Variants in TUB observed in about 807,000 individuals in gnomAD.
The protein encoded by TUB is tubby protein homolog.
A neutral mutation model predicts 59.7 loss-of-function variants in TUB; 33 were observed. The observed-to-expected ratio is 0.55, with a 90% CI of 0.42 to 0.74. The LOEUF (loss-of-function observed/expected upper bound fraction) is 0.74. Among genes scored for constraint, TUB ranks in the 30% least tolerant of loss-of-function variants. The pLI, the probability that TUB is intolerant of heterozygous loss-of-function variation, is 0.00. For missense variants in TUB, 659 were observed against 672.0 expected, an observed-to-expected ratio of 0.98 and a Z score of 0.21; for synonymous variants, 293 against 256.4, an observed-to-expected ratio of 1.14 and a Z score of -1.36.
chr11:8,100,141 C>G (rs1300668806), intron 9 of TUB, among the ~76,000 whole-genome samples: 1 of 152,098 alleles, frequency 6.6e-6, no homozygotes, highest in Non-Finnish European at 1.5e-5. Flanking sequence ...GTGAGAGAAG[C>G]TAGTGGTGAA....
At chr11:8,056,392 G>C (rs1589937246) in intron 2 of TUB, among the ~76,000 whole-genome samples, 1 of 152,166 alleles carries the variant, frequency 6.6e-6, no homozygotes, top group South Asian at 2.1e-4. Context: ...AGTGTGTGCT[G>C]TGAGGTGTGA....
intron 2 of TUB, among the ~76,000 whole-genome samples, chr11:8,074,213 G>A (rs1009825031): frequency 6.6e-6 from 1 of 151,998 alleles, no homozygotes; most frequent in African/African-American, 2.4e-5. Flanking sequence ...GGAGGTCTTA[G>A]GGGCCAAAGC....
At chr11:8,083,735 C>G (rs1250735981) in intron 1 of TUB, among the ~76,000 whole-genome samples, 1 of 151,988 alleles carries the variant, frequency 6.6e-6, no homozygotes, top group Non-Finnish European at 1.5e-5. Context: ...TGCTTGCTTT[C>G]CCCATGCCTG....
At chr11:8,078,502 G>T (rs978801306), upstream of TUB, among the ~76,000 whole-genome samples, 1 of 152,080 alleles carries the variant, frequency 6.6e-6, no homozygotes, top group African/African-American at 2.4e-5. Context: ...ACTTTCTGGA[G>T]TAGCTTTTTG....
At chr11:8,021,133 GGGC>G (rs1554919105) in intron 1 of TUB, among the ~76,000 whole-genome samples, 3 of 152,158 alleles carry the variant, frequency 2.0e-5, no homozygotes, top group Non-Finnish European at 1.5e-5. Context: ...ACTTCTCCCT[GGGC>G]CACAGTTTCT....
chr11:8,074,815 T>C (rs553968107), intron 2 of TUB, among the ~76,000 whole-genome samples: 23 of 136,426 alleles, frequency 1.7e-4, no homozygotes, highest in African/African-American at 6.1e-4. Flanking sequence ...GGCACAATCT[T>C]GGCTCACTAC....
chr11:8,081,919 A>C (rs975466812), intron 1 of TUB, among the ~76,000 whole-genome samples: 2 of 152,180 alleles, frequency 1.3e-5, no homozygotes, highest in Admixed American at 6.5e-5. Context: ...GCACGCATGC[A>C]CCCACAGGAC....
At chr11:8,036,584 A>C (rs557442559), upstream of TUB, among the ~76,000 whole-genome samples, 27 of 152,360 alleles carry the variant, frequency 1.8e-4, no homozygotes, top group African/African-American at 6.5e-4. Context: ...TAGGTGAAGC[A>C]GCAATGGCCA....
Position 8,064,322 on chromosome 11 carries a change from C to T in TUB, c.203+24630C>T, listed in dbSNP as rs374757038. Among the ~76,000 whole-genome samples the T allele has an allele frequency of 3.9e-5, 6 of 152,308 alleles. No individual in the cohort carries two copies. In the East Asian group the frequency reaches 9.6e-4, roughly 24 times the overall value. On this transcript the variant is annotated intron_variant, in intron 2 of 12. Transcript: ENST00000305253. ...TGGACAGGCTGCACAGCCTCTTACC[C>T]CAGATGTGACCTTCTGGGTACACAG...
intron 3 of TUB, among the ~76,000 whole-genome samples, chr11:8,093,042 G>C (rs773784928): frequency 3.3e-5 from 5 of 152,260 alleles, no homozygotes; most frequent in Non-Finnish European, 5.9e-5. Flanking sequence ...GCACAAATGG[G>C]TGTGGTCCCT....
intron 7 of TUB, 124 bp downstream of exon 7, chr11:8,097,549 C>A: frequency 1.4e-6 from 2 of 1,397,060 alleles, no homozygotes; most frequent in East Asian, 2.3e-5. Flanking sequence ...AAACTGCCTT[C>A]GTGTCTGGTC....
At chr11:8,021,125 T>A (rs1942419432) in intron 1 of TUB, among the ~76,000 whole-genome samples, 1 of 152,228 alleles carries the variant, frequency 6.6e-6, no homozygotes, top group Non-Finnish European at 1.5e-5. Context: ...GACAAATTAC[T>A]TCTCCCTGGG....
chr11:8,040,034 G>GGC, intron 2 of TUB, among the ~76,000 whole-genome samples: 1 of 152,176 alleles, frequency 6.6e-6, no homozygotes, highest in African/African-American at 2.4e-5. Context: ...CAGAAAGGAG[G>GGC]TGTCCTCTAC....
chr11:8,066,807 G>A (rs533417894), intron 2 of TUB, among the ~76,000 whole-genome samples: 1 of 152,280 alleles, frequency 6.6e-6, no homozygotes, highest in South Asian at 2.1e-4. Flanking sequence ...GACGAGACCT[G>A]CATGAACAGC....
intron 1 of TUB, among the ~76,000 whole-genome samples, chr11:8,039,329 C>T (rs1942703671): frequency 6.6e-6 from 1 of 152,162 alleles, no homozygotes; most frequent in Non-Finnish European, 1.5e-5. Flanking sequence ...ACACTCCGGC[C>T]CTCTGCCTCT....
At chr11:8,019,867 G>C (rs1207552815) in intron 1 of TUB, among the ~76,000 whole-genome samples, 1 of 152,136 alleles carries the variant, frequency 6.6e-6, no homozygotes, top group Non-Finnish European at 1.5e-5. Flanking sequence ...GTCGCTGCCT[G>C]TTCCGCGGGG....
intron 2 of TUB, among the ~76,000 whole-genome samples, chr11:8,052,770 C>T (rs946100165): frequency 4.6e-5 from 7 of 152,232 alleles, no homozygotes; most frequent in South Asian, 2.1e-4. Context: ...CCACTGTGCC[C>T]GGCCGGACCT....
intron 1 of TUB, among the ~76,000 whole-genome samples, chr11:8,026,523 A>C (rs745692583): frequency 6.1e-4 from 93 of 151,794 alleles, no homozygotes; most frequent in Admixed American, 9.2e-4. Flanking sequence ...ATTGAAAAAA[A>C]CCTTTCTTTT....
chr11:8,095,265 AC>A (rs1298625108), intron 4 of TUB, among the ~76,000 whole-genome samples: 1 of 152,092 alleles, frequency 6.6e-6, no homozygotes, highest in Non-Finnish European at 1.5e-5. Context: ...TTGTAAACCA[AC>A]CCTCGGCAAT....
Sources: gnomAD v4.1 joint callset for allele counts (sites outside exome capture counted in the v4.1 genomes callset) on GRCh38, gnomAD v4.1.1 for gene constraint, MANE v1.5 for transcripts, NCBI Gene and HGNC (gene_info 2026-07-23, HGNC 2026-07-21) for gene names.